Variants in FAT3 observed in about 807,000 individuals in gnomAD.
FAT3 encodes the protein protocadherin Fat 3.
FAT3 carries 95 observed loss-of-function variants against 310.2 expected under a neutral mutation model. That is an observed-to-expected ratio of 0.31 (90% CI 0.26 to 0.36). The LOEUF (loss-of-function observed/expected upper bound fraction) is 0.36. Ranked by LOEUF, FAT3 falls within the 10% of genes least tolerant of loss-of-function variation. The probability of loss-of-function intolerance (pLI) is 1.00; values close to 1 mark genes in which losing one functional copy is unlikely to be tolerated. For synonymous variants in FAT3, 2,314 were observed against 2,192.9 expected (o/e 1.06, Z -1.54); for missense variants, 5,408 against 5,715.6 (o/e 0.95, Z 1.74).
At chr11:92,238,057 C>T (rs1300256465) in intron 1 of FAT3, among the ~76,000 whole-genome samples, 1 of 152,082 alleles carries the variant, frequency 6.6e-6, no homozygotes, top group East Asian at 1.9e-4. Flanking sequence ...GAAACAAGGT[C>T]ATAGGCCTTA....
intron 3 of FAT3, among the ~76,000 whole-genome samples, chr11:92,646,965 A>T (rs960487173): frequency 6.6e-6 from 1 of 152,134 alleles, no homozygotes. Context: ...TGTGAGAATC[A>T]TACTAGGCAT....
chr11:92,262,547 C>G (rs1452853848), intron 1 of FAT3, among the ~76,000 whole-genome samples: 1 of 152,042 alleles, frequency 6.6e-6, no homozygotes, highest in Admixed American at 6.6e-5. Context: ...CAGATACATC[C>G]AGAGTCTCAG....
chr11:92,233,857 A>T (rs2845865), intron 1 of FAT3, among the ~76,000 whole-genome samples: 82,325 of 152,066 alleles, frequency 0.54, 22,704 homozygotes, highest in East Asian at 0.8. Context: ...ATAACTTGCA[A>T]TAATCACTTT....
At chr11:92,745,657 T>C (rs989087325) in intron 4 of FAT3, among the ~76,000 whole-genome samples, 33 of 151,792 alleles carry the variant, frequency 2.2e-4, no homozygotes, top group Admixed American at 2.0e-3. Context: ...AAGAAAAGAT[T>C]TGGACAAAGC....
At chr11:92,815,841 A>G (rs1417638329) in intron 13 of FAT3, among the ~76,000 whole-genome samples, 1 of 152,214 alleles carries the variant, frequency 6.6e-6, no homozygotes, top group Non-Finnish European at 1.5e-5. Context: ...AGTCAGGAAT[A>G]AAGACATGTT....
intron 2 of FAT3, among the ~76,000 whole-genome samples, chr11:92,422,502 C>A (rs1950552456): frequency 6.6e-6 from 1 of 152,038 alleles, no homozygotes. Context: ...CTGTGAAGGC[C>A]CTATGAAGGG....
chr11:92,418,431 C>CCT (rs1467676568), intron 2 of FAT3, among the ~76,000 whole-genome samples: 1 of 101,294 alleles, frequency 9.9e-6, no homozygotes. Flanking sequence ...CCCCCCCACC[C>CCT]CCCCACACAC....
chr11:92,336,391 T>C (rs1469512421), intron 1 of FAT3: 4 of 349,308 alleles, frequency 1.1e-5, no homozygotes, highest in African/African-American at 8.6e-5. Flanking sequence ...GCGACCACAG[T>C]CCTGGAGAAG....
At chr11:92,889,586 C>T (rs1347487867) in intron 26 of FAT3, among the ~76,000 whole-genome samples, 1 of 152,166 alleles carries the variant, frequency 6.6e-6, no homozygotes, top group African/African-American at 2.4e-5. Flanking sequence ...AAATCATTCA[C>T]AGCTGCAATA....
intron 1 of FAT3, among the ~76,000 whole-genome samples, chr11:92,228,898 G>T (rs1187390270): frequency 3.3e-5 from 5 of 151,844 alleles, no homozygotes; most frequent in Admixed American, 6.6e-5. Flanking sequence ...TTTTCCTTCT[G>T]CAGGAGCCTT....
intron 9 of FAT3, among the ~76,000 whole-genome samples, chr11:92,794,274 T>G (rs911748302): frequency 1.3e-5 from 2 of 152,212 alleles, no homozygotes; most frequent in African/African-American, 2.4e-5. Context: ...AATATTTAAA[T>G]CACATCCCAG....
At chr11:92,579,659 T>G (rs1195846093) in intron 3 of FAT3, among the ~76,000 whole-genome samples, 1 of 152,088 alleles carries the variant, frequency 6.6e-6, no homozygotes, top group Non-Finnish European at 1.5e-5. Context: ...GGCATATTAA[T>G]AGGCTCATGT....
chr11:92,728,934 G>T (rs577522556), intron 4 of FAT3, among the ~76,000 whole-genome samples: 1 of 152,046 alleles, frequency 6.6e-6, no homozygotes, highest in Non-Finnish European at 1.5e-5. Flanking sequence ...TAACTTAATC[G>T]CATTTGCAAA....
At chr11:92,726,844 A>C (rs1197930160) in intron 4 of FAT3, among the ~76,000 whole-genome samples, 1 of 151,724 alleles carries the variant, frequency 6.6e-6, no homozygotes, top group African/African-American at 2.4e-5. Flanking sequence ...AAAAGCAAAA[A>C]CTGTCCAAAA....
At chr11:92,559,347 A>C in intron 3 of FAT3, 1 of 187,204 alleles carries the variant, frequency 5.3e-6, no homozygotes, top group African/African-American at 2.7e-5. Context: ...CTCTTTATAT[A>C]TATTTCTTAT....
intron 3 of FAT3, among the ~76,000 whole-genome samples, chr11:92,536,235 A>G (rs1015106016): frequency 3.3e-5 from 5 of 152,182 alleles, no homozygotes; most frequent in Non-Finnish European, 7.4e-5. Context: ...AAATTATAAA[A>G]CCAACACATG....
At chr11:92,564,362 T>C (rs571593983) in intron 3 of FAT3, among the ~76,000 whole-genome samples, 1 of 150,482 alleles carries the variant, frequency 6.6e-6, no homozygotes, top group Non-Finnish European at 1.5e-5. Flanking sequence ...ATGCACCCAA[T>C]ACAGGAGCAC....
chr11:92,588,246 C>T (rs1174606586), intron 3 of FAT3, among the ~76,000 whole-genome samples: 8 of 151,754 alleles, frequency 5.3e-5, no homozygotes, highest in Non-Finnish European at 1.0e-4. Context: ...ATGCTAGCTT[C>T]TATTGCTGCT....
intron 2 of FAT3, among the ~76,000 whole-genome samples, chr11:92,361,791 A>G (rs895131431): frequency 5.9e-5 from 9 of 152,248 alleles, no homozygotes; most frequent in African/African-American, 9.6e-5. Context: ...AGCTCTCACA[A>G]TTGTCTTCAT....
Sources: allele counts gnomAD v4.1 joint callset (sites outside exome capture counted in the v4.1 genomes callset), GRCh38; gene constraint gnomAD v4.1.1; transcripts MANE v1.5; gene names NCBI Gene and HGNC (gene_info 2026-07-23, HGNC 2026-07-21).